Variants in EDRF1 observed in about 807,000 individuals in gnomAD.
The protein encoded by EDRF1 is erythroid differentiation regulatory factor 1, also known as erythroid differentiation-related factor 1.
A neutral mutation model predicts 148.7 loss-of-function variants in EDRF1; 69 were observed. The observed-to-expected ratio is 0.46, with a 90% CI of 0.38 to 0.57. The LOEUF is 0.57. Ranked by LOEUF, EDRF1 falls within the 20% of genes least tolerant of loss-of-function variation. The pLI is 0.00. For synonymous variants in EDRF1, 515 were observed against 532.8 expected, an observed-to-expected ratio of 0.97 and a Z score of 0.46; for missense variants, 1,118 against 1,478.7, an observed-to-expected ratio of 0.76 and a Z score of 4.00.
intron 2 of EDRF1, among the ~76,000 whole-genome samples, chr10:125,722,489 G>A (rs1340566333): frequency 6.6e-6 from 1 of 152,126 alleles, no homozygotes; most frequent in Non-Finnish European, 1.5e-5. Flanking sequence ...TGGTGATGTC[G>A]GGTACCTTTC....
At chr10:125,753,012 T>TACCC in intron 23 of EDRF1, 98 bp downstream of exon 23, 1 of 800,158 alleles carries the variant, frequency 1.2e-6, no homozygotes, top group Non-Finnish European at 2.2e-6. Context: ...TGGGTATATA[T>TACCC]ACACACATGT....
At chr10:125,725,937 T>G in intron 6 of EDRF1, 99 bp downstream of exon 6, 1 of 1,294,298 alleles carries the variant, frequency 7.7e-7, no homozygotes, top group Non-Finnish European at 1.1e-6. Flanking sequence ...GACTAAGAAA[T>G]ATTCTGTCAG....
At chr10:125,756,911 C>T (rs1849925728) in intron 24 of EDRF1, 2 of 403,178 alleles carry the variant, frequency 5.0e-6, no homozygotes, top group Non-Finnish European at 9.7e-6. Context: ...TTCCTGGGCT[C>T]AAGCAATCCC....
At chr10:125,755,365 G>T (rs10901422) in intron 24 of EDRF1, among the ~76,000 whole-genome samples, 94,487 of 152,044 alleles carry the variant, frequency 0.62, 32,108 homozygotes, top group East Asian at 0.79. Context: ...TTGTGATGAA[G>T]GATTCTTTTT....
chr10:125,733,615 T>A lies in EDRF1; in HGVS notation c.1277-20T>A. 1.2e-6 allele frequency: 2 copies of A among 1,612,264 alleles called. No individual in the cohort carries two copies. Among genetic ancestry groups the A allele is most frequent in the Non-Finnish European group, 1.7e-6 (2 of 1,178,438 alleles). On this transcript the variant is annotated intron_variant, in intron 10 of 24. Transcript: ENST00000356792. ...TTGGGTAACTGCTGTGAAATGAGTC[T>A]TCTTTGTTTTTCTTTTCAGCAAGTG...
chr10:125,721,749 G>T (rs931593294), intron 2 of EDRF1, among the ~76,000 whole-genome samples: 3 of 152,228 alleles, frequency 2.0e-5, no homozygotes, highest in African/African-American at 4.8e-5. Flanking sequence ...GGTGCATGAG[G>T]AGGAAAACCT....
intron 4 of EDRF1, among the ~76,000 whole-genome samples, chr10:125,725,022 C>T (rs1196740125): frequency 6.6e-6 from 1 of 152,128 alleles, no homozygotes; most frequent in Non-Finnish European, 1.5e-5. Context: ...TAAACACATA[C>T]ACAGATCATT....
chr10:125,760,796 A>G (rs1291848823), intron 24 of EDRF1, among the ~76,000 whole-genome samples: 1 of 152,230 alleles, frequency 6.6e-6, no homozygotes, highest in South Asian at 2.1e-4. Flanking sequence ...CACAGATTCA[A>G]CCAACCACAG....
At position 125,763,274 on chromosome 10, in the gene EDRF1, C is replaced by G. The variant is rs1418895585; in HGVS notation, c.3546-27C>G. The G allele has an allele frequency of 1.2e-6, 2 of 1,604,852 alleles. No homozygotes were observed. Among genetic ancestry groups the G allele is most frequent in the South Asian group, 2.2e-5 (2 of 91,010 alleles). On this transcript the variant is annotated intron_variant, in intron 24 of 24. Transcript: ENST00000356792. The surrounding 1 kb of genome is among the most constrained non-coding windows in gnomAD (Gnocchi z 4.3). The stretch of plus-strand genomic sequence containing the variant: ...TCGGTAGGCATTGCTGGTCCCTTAC[C>G]TGTCTCTTTTTCTTTTTTAACCCTA...
intron 21 of EDRF1, chr10:125,748,603 G>A: frequency 6.0e-6 from 1 of 165,608 alleles, no homozygotes; most frequent in Non-Finnish European, 1.3e-5. Flanking sequence ...CCCCCCGTAA[G>A]GTAAGACTAC....
At chr10:125,749,261 G>T in intron 21 of EDRF1, 151 bp from the exon 22 acceptor site, 3 of 807,802 alleles carry the variant, frequency 3.7e-6, no homozygotes, top group Non-Finnish European at 5.9e-6. Context: ...AAAAAAAAAA[G>T]AAAGGAAATG....
chr10:125,763,520 A>G lies in EDRF1; in HGVS notation c.*48A>G. 2 of 1,580,912 alleles carry G rather than the reference A, an allele frequency of 1.3e-6. No individual in the cohort carries two copies. Among genetic ancestry groups the G allele is most frequent in the South Asian group, 2.2e-5 (2 of 89,930 alleles). The stretch of plus-strand genomic sequence containing the variant: ...CACGCTGTCAGTGCCTTCAACACGG[A>G]GCCGGTTTGTTCATTCGGTGCTTTG... On this transcript the variant is annotated 3_prime_UTR_variant, in exon 25 of 25. Transcript: ENST00000356792. This position sits in a 1 kb window ranked among gnomAD's most constrained non-coding sequence, Gnocchi z 4.3.
rs529972849 is a variant in EDRF1 at position 125,760,497 on chromosome 10, T to G, written c.3546-2804T>G. ...TCTTATTTAGCTAATTTATATTGAT[T>G]TTAAGGTTTATTAAACTTAAATGTG... is the stretch of plus-strand genomic sequence containing the variant. On this transcript the variant is annotated intron_variant, in intron 24 of 24. Transcript: ENST00000356792. Among the ~76,000 whole-genome samples, 12 of 152,348 alleles carry G rather than the reference T, an allele frequency of 7.9e-5. No homozygotes were observed. The South Asian group carries it at 2.5e-3, about 32-fold the overall frequency.
In EDRF1 at chr10:125,734,138, G is replaced by A. The variant is rs1848617236; in HGVS notation, c.1452G>A (p.Leu484=). The stretch of plus-strand genomic sequence containing the variant: ...AACACTATGGAACTATTAGAACATT[G>A]CTTCTTAATTGTCTGAAATTACTGG... ...NKKHYGTIRT[L]LLNCLKLLDK... is the part of the protein sequence containing the mutation. Residue 484 remains leucine (L), a synonymous_variant, in exon 12 of 25, where the codon TTG becomes TTA. Transcript: ENST00000356792. 1 of 1,613,062 alleles carries A rather than the reference G, an allele frequency of 6.2e-7. No homozygotes were observed. The highest frequency in any genetic ancestry group is 1.7e-5 in the Admixed American group (1 of 59,976).
At chr10:125,756,762 C>T in intron 24 of EDRF1, 1 of 399,968 alleles carries the variant, frequency 2.5e-6, no homozygotes. Context: ...AATTGGGTTT[C>T]CTATAGGTGG....
rs764327323 is a variant in EDRF1, at chr10:125,719,775, C to G, written c.-33C>G. ...GCGTTGCTGCTGCTGCTCCTCCGCT[C>G]CCCCGTCGTATCGCCTGCCCTGGAT... On this transcript the variant is annotated 5_prime_UTR_variant, in exon 1 of 25. Coordinates refer to ENST00000356792, the MANE Select transcript of EDRF1 (RefSeq NM_001202438.2). 3.2e-6 allele frequency: 5 copies of G among 1,572,730 alleles called. No homozygotes were observed. The highest frequency in any genetic ancestry group is 4.3e-6 in the Non-Finnish European group (5 of 1,150,202).
In EDRF1 at chr10:125,745,116, G is replaced by A. The variant is rs147599470; in HGVS notation, c.2591-591G>A. ...CATGAATGTGCTGGACAAAGGGATG[G>A]TTCCCATCCTGGGTGAGGCAGAGCA... On this transcript the variant is annotated intron_variant, in intron 18 of 24. Transcript: ENST00000356792. The A allele has an allele frequency of 3.0e-3, 490 of 162,188 alleles. 1 individual carries two copies. The highest frequency in any genetic ancestry group is 0.013 in the Middle Eastern group (4 of 298). The allele number at this position is 162,188 out of a possible 1,614,324, so 10.0% of individuals were successfully genotyped here.
At chr10:125,720,375 T>G (rs114852741) in intron 1 of EDRF1, among the ~76,000 whole-genome samples, 2,823 of 152,194 alleles carry the variant, frequency 0.019, 98 homozygotes, top group African/African-American at 0.064. Context: ...CCAATGCCTT[T>G]CTATGAAGTT....
At chr10:125,725,569 C>G (rs1848218400) in intron 5 of EDRF1, 113 bp from the exon 6 acceptor site, 1 of 1,566,238 alleles carries the variant, frequency 6.4e-7, no homozygotes, top group South Asian at 1.1e-5. Context: ...TTTCATATTT[C>G]TTTTTTACAA....
Sources: gnomAD v4.1 joint callset for allele counts (sites outside exome capture counted in the v4.1 genomes callset) on GRCh38, gnomAD v4.1.1 for gene constraint, Gnocchi (gnomAD v3.1) non-coding constraint, MANE v1.5 for transcripts, NCBI Gene and HGNC (gene_info 2026-07-23, HGNC 2026-07-21) for gene names.